CEP350: variants seen among roughly 807,000 people sequenced by gnomAD.
CEP350 encodes the protein centrosome-associated protein 350.
Under a neutral mutation model 331.8 loss-of-function variants are expected in CEP350, and 126 were observed. The observed-to-expected ratio is 0.38, with a 90% CI of 0.33 to 0.44. The LOEUF (loss-of-function observed/expected upper bound fraction) is 0.44. CEP350 is among the 20% of genes least tolerant of loss of function. CEP350 has a pLI of 1.00. For missense variants in CEP350, 3,406 were observed against 3,634.6 expected (o/e 0.94, Z 1.62); for synonymous variants, 1,200 against 1,259.5 (o/e 0.95, Z 1.00).
rs1661541558 is a variant in CEP350, at chr1:180,113,304, C to T, written c.*2143C>T. On this transcript the variant is annotated 3_prime_UTR_variant, in exon 38 of 38. Transcript: ENST00000367607. Reference sequence around the variant, plus strand: ...AATGGGACTGTAGGTTGTTTTTCTACATCTTCATTATTTGGACCTAAAACC... The same window carrying T: ...AATGGGACTGTAGGTTGTTTTTCTATATCTTCATTATTTGGACCTAAAACC... 6.6e-6 allele frequency: 1 copy of T among 151,892 alleles called. No individual in the cohort carries two copies. The highest frequency in any genetic ancestry group is 6.6e-5 in the Admixed American group (1 of 15,248). 9.4% of individuals were successfully genotyped at this position (151,892 alleles called of 1,614,324 possible).
chr1:180,031,604 C>G (rs1656026207), intron 15 of CEP350, 110 bp downstream of exon 15: 1 of 439,426 alleles, frequency 2.3e-6, no homozygotes, highest in African/African-American at 2.1e-5. Context: ...CTGTGCATGT[C>G]TGAGCTACTA....
In CEP350 at chr1:180,093,448, G is replaced by C. The variant is rs764601522; in HGVS notation, c.7343G>C (p.Ser2448Thr). The C allele has an allele frequency of 1.2e-6, 2 of 1,604,826 alleles. No homozygotes were observed. Among genetic ancestry groups the C allele is most frequent in the Non-Finnish European group, 8.5e-7 (1 of 1,175,222 alleles). Residue 2448 changes from serine (S) to threonine (T), a missense_variant, in exon 34 of 38, where the codon AGC (serine) becomes ACC (threonine). Ser to Thr is a moderately conservative substitution (Grantham distance 58, BLOSUM62 1). Coordinates refer to ENST00000367607, the MANE Select transcript of CEP350 (RefSeq NM_014810.5). ...CLSEKSLSIH[S>T]NVHSDRLLEL... ...AGTGAGAAAAGCCTTTCTATCCATA[G>C]CAATGTTCATTCTGACAGGCTGTTG...
chr1:180,075,351 C>A, intron 28 of CEP350, 130 bp downstream of exon 28: 1 of 938,280 alleles, frequency 1.1e-6, no homozygotes, highest in Non-Finnish European at 1.6e-6. Context: ...CTTTGGAAGG[C>A]CAAGGCCAGA....
In CEP350 at chr1:180,060,460, A is replaced by G. The variant is rs143748814; in HGVS notation, c.5263-1760A>G. 2.4e-3 allele frequency among the ~76,000 whole-genome samples: 359 copies of G among 152,296 alleles called. 8 individuals are homozygous for G. In the East Asian group the frequency reaches 0.053, roughly 23 times the overall value. ...CAGGAGTTTGAGACCACTCTAGGCAACATAGCAAGACCCTGTGTCTACAAA... is the reference window on the plus strand; with the variant it reads ...CAGGAGTTTGAGACCACTCTAGGCAGCATAGCAAGACCCTGTGTCTACAAA... On this transcript the variant is annotated intron_variant, in intron 25 of 37. Coordinates refer to ENST00000367607, the MANE Select transcript of CEP350 (RefSeq NM_014810.5).
At chr1:179,989,823 G>T (rs1387955530) in intron 3 of CEP350, among the ~76,000 whole-genome samples, 2 of 152,256 alleles carry the variant, frequency 1.3e-5, no homozygotes, top group African/African-American at 4.8e-5. Flanking sequence ...TTTGGTTCAG[G>T]TAAATAATTC....
chr1:179,966,378 C>T (rs1651014174), intron 1 of CEP350, among the ~76,000 whole-genome samples: 1 of 151,964 alleles, frequency 6.6e-6, no homozygotes, highest in Admixed American at 6.6e-5. Flanking sequence ...TTTAAATTAC[C>T]TTTAGTAAGA....
intron 5 of CEP350, among the ~76,000 whole-genome samples, chr1:179,995,344 T>G (rs947828356): frequency 3.3e-5 from 5 of 152,210 alleles, no homozygotes; most frequent in African/African-American, 1.2e-4. Context: ...CTCACACCTG[T>G]AATCCCAGCA....
intron 5 of CEP350, among the ~76,000 whole-genome samples, chr1:179,992,545 C>T (rs930410938): frequency 6.6e-6 from 1 of 151,934 alleles, no homozygotes; most frequent in African/African-American, 2.4e-5. Flanking sequence ...TTTTTTGTTT[C>T]GTCTTAATAT....
chr1:180,079,516 A>T (rs886824346), intron 29 of CEP350, among the ~76,000 whole-genome samples: 1 of 151,892 alleles, frequency 6.6e-6, no homozygotes, highest in Non-Finnish European at 1.5e-5. Context: ...ATATTATGTT[A>T]AAAAATATTT....
At chr1:180,074,860 C>G (rs1659123037) in intron 27 of CEP350, among the ~76,000 whole-genome samples, 162 bp from the exon 28 acceptor site, 2 of 152,122 alleles carry the variant, frequency 1.3e-5, no homozygotes, top group Admixed American at 1.3e-4. Flanking sequence ...CAAGTTGACT[C>G]ATGAAAGCTT....
At chr1:180,079,279 C>T (rs1351669329) in intron 29 of CEP350, among the ~76,000 whole-genome samples, 1 of 149,242 alleles carries the variant, frequency 6.7e-6, no homozygotes, top group Non-Finnish European at 1.5e-5. Context: ...ATTTAGTATA[C>T]TGTGGTATAC....
Position 179,996,580 on chromosome 1 carries a change from C to G in CEP350, c.423C>G (p.Phe141Leu). The change falls in exon 6 of 38, where the codon TTC (phenylalanine) becomes TTG (leucine). Residue 141 changes from phenylalanine (F) to leucine (L), a missense_variant. Coordinates refer to ENST00000367607, the MANE Select transcript of CEP350 (RefSeq NM_014810.5). ...YREIHGAPSNFSSSHLESKHV... is the reference protein window; with the variant it reads ...YREIHGAPSNLSSSHLESKHV... ...AAATCCATGGTGCACCTTCCAATTT[C>G]AGTTCCAGCCATCTGGAATCAAAGC... is the stretch of plus-strand genomic sequence containing the variant. 2 of 1,573,020 alleles carry G rather than the reference C, an allele frequency of 1.3e-6. No homozygotes were observed. Among genetic ancestry groups the G allele is most frequent in the Non-Finnish European group, 1.7e-6 (2 of 1,157,224 alleles).
intron 23 of CEP350, among the ~76,000 whole-genome samples, chr1:180,053,529 A>G (rs149130283): frequency 8.7e-4 from 133 of 152,284 alleles, no homozygotes; most frequent in African/African-American, 2.8e-3. Context: ...TATCCTTGGG[A>G]CAGTAATTGG....
chr1:179,989,772 T>C (rs12130673), intron 3 of CEP350, among the ~76,000 whole-genome samples: 12,697 of 152,266 alleles, frequency 0.083, 707 homozygotes, highest in Non-Finnish European at 0.12. Flanking sequence ...GACATAAAAC[T>C]GTAAAACACT....
intron 1 of CEP350, among the ~76,000 whole-genome samples, chr1:179,963,050 A>C (rs656787): frequency 1 from 152,263 of 152,326 alleles, 76,100 homozygotes; most frequent in Middle Eastern, 1. Flanking sequence ...TTTGTATTTT[A>C]TTGATGATTA....
rs765596611 is a variant in CEP350, at chr1:180,020,354, G to C, written c.2580G>C (p.Glu860Asp). ...ACTATGGGTCAGCATGGAACACTGA[G>C]TATGATGTGCAGCAGGCACCTCAAG... ...SINYGSAWNTEYDVQQAPQED... is the reference protein window; with the variant it reads ...SINYGSAWNTDYDVQQAPQED... The change falls in exon 12 of 38, where the codon GAG becomes GAC. Residue 860 changes from glutamate to aspartate, a missense_variant. This residue lies in a region of CEP350 where 1,857 missense variants were observed against 1,909.2 expected (regional missense o/e 0.97). Transcript: ENST00000367607. 9.9e-6 allele frequency: 16 copies of C among 1,613,676 alleles called. No individual in the cohort carries two copies. Among genetic ancestry groups the C allele is most frequent in the Non-Finnish European group, 1.4e-5 (16 of 1,179,918 alleles).
rs1656005531 is a variant in CEP350, at chr1:180,031,301, T to A, written c.3551-19T>A. ...CTTCTAATATTGGGAATCAGCTTTA[T>A]AAGAAATTTACTTTACAGGGTTGGA... is the stretch of plus-strand genomic sequence containing the variant. On this transcript the variant is annotated intron_variant, in intron 14 of 37. Coordinates refer to ENST00000367607, the MANE Select transcript of CEP350 (RefSeq NM_014810.5). 6.6e-7 allele frequency: 1 copy of A among 1,516,558 alleles called. No homozygotes were observed. The highest frequency in any genetic ancestry group is 9.1e-7 in the Non-Finnish European group (1 of 1,104,866). 93.9% of individuals were successfully genotyped at this position (1,516,558 alleles called of 1,614,324 possible). A position where few individuals can be genotyped will look rare whatever the true frequency, so the allele number is the denominator to read the frequency against.
intron 8 of CEP350, 119 bp downstream of exon 8, chr1:180,006,686 G>A (rs971666877): frequency 4.8e-6 from 3 of 619,268 alleles, no homozygotes; most frequent in African/African-American, 3.7e-5. Context: ...GTATACGTGT[G>A]CCATGGTGGT....
intron 27 of CEP350, among the ~76,000 whole-genome samples, chr1:180,072,332 T>G (rs922762836): frequency 1.3e-5 from 2 of 152,176 alleles, no homozygotes; most frequent in Non-Finnish European, 2.9e-5. Context: ...AAATTTAAAT[T>G]GTCTATTTTT....
Sources: gnomAD v4.1 joint callset for allele counts (sites outside exome capture counted in the v4.1 genomes callset) on GRCh38, gnomAD v4.1.1 for gene constraint, gnomAD v4.1.1 regional missense constraint, MANE v1.5 for transcripts, NCBI Gene and HGNC (gene_info 2026-07-23, HGNC 2026-07-21) for gene names.